Variants in CRACR2A observed in about 807,000 individuals in gnomAD.
CRACR2A encodes calcium release activated channel regulator 2A.
CRACR2A carries 79 observed loss-of-function variants against 90.5 expected under a neutral mutation model. The ratio of observed to expected loss-of-function variants is 0.87; its 90% confidence interval spans 0.73 to 1.05. The LOEUF (loss-of-function observed/expected upper bound fraction) is 1.05. Ranked by LOEUF, CRACR2A falls within the 50% of genes least tolerant of loss-of-function variation. CRACR2A has a pLI of 0.00. For missense variants in CRACR2A, 823 were observed against 897.2 expected (o/e 0.92, Z 1.06); for synonymous variants, 338 against 356.7 (o/e 0.95, Z 0.59).
At chr12:3,623,628 A>C (rs978403068) in intron 17 of CRACR2A, among the ~76,000 whole-genome samples, 3 of 152,176 alleles carry the variant, frequency 2.0e-5, no homozygotes, top group African/African-American at 7.2e-5. Context: ...AATTCTACCC[A>C]ATTGAGATAA....
At chr12:3,745,825 TA>T (rs149739964) in intron 1 of CRACR2A, among the ~76,000 whole-genome samples, 3 of 100,486 alleles carry the variant, frequency 3.0e-5, no homozygotes, top group African/African-American at 4.0e-5. Flanking sequence ...TAAAATAAAA[TA>T]AAGAAAGAAA....
intron 1 of CRACR2A, among the ~76,000 whole-genome samples, chr12:3,740,612 G>A (rs761139590): frequency 4.6e-5 from 7 of 152,140 alleles, no homozygotes; most frequent in Non-Finnish European, 8.8e-5. Flanking sequence ...ATAATACTCA[G>A]TACTAATACC....
Position 3,636,670 on chromosome 12 carries a change from T to C in CRACR2A, c.1602+1454A>G, listed in dbSNP as rs116690983. On this transcript the variant is annotated intron_variant, in intron 14 of 19. Transcript: ENST00000440314. ...CATCTTGGAGTTATATAAGACCCTA[T>C]TTGTACCCACTGCCAGCAAGTGTAG... Among the ~76,000 whole-genome samples, 828 of 152,332 alleles carry C rather than the reference T, an allele frequency of 5.4e-3. 8 individuals are homozygous for C. Among genetic ancestry groups the C allele is most frequent in the African/African-American group, 0.019 (798 of 41,588 alleles).
intron 10 of CRACR2A, among the ~76,000 whole-genome samples, chr12:3,652,370 A>G (rs776994524): frequency 5.9e-5 from 9 of 152,238 alleles, no homozygotes; most frequent in Non-Finnish European, 1.2e-4. Context: ...CTTGTTCACA[A>G]TGAAATATGT....
intron 12 of CRACR2A, among the ~76,000 whole-genome samples, chr12:3,642,520 GA>G (rs1565470256): frequency 6.6e-6 from 1 of 151,864 alleles, no homozygotes; most frequent in Non-Finnish European, 1.5e-5. Flanking sequence ...TGGTCAGATA[GA>G]AAAAAGAAAA....
intron 10 of CRACR2A, among the ~76,000 whole-genome samples, chr12:3,649,627 A>G (rs2137433190): frequency 6.6e-6 from 1 of 152,316 alleles, no homozygotes; most frequent in East Asian, 1.9e-4. Context: ...AGGAAGAGAG[A>G]GGCAGGGAGG....
intron 17 of CRACR2A, among the ~76,000 whole-genome samples, chr12:3,625,063 T>C (rs1339183763): frequency 5.3e-5 from 8 of 152,106 alleles, no homozygotes; most frequent in African/African-American, 9.7e-5. Context: ...CAATTAGAGC[T>C]TAAATGTACC....
intron 17 of CRACR2A, among the ~76,000 whole-genome samples, chr12:3,625,913 G>T (rs1944248705): frequency 6.6e-6 from 1 of 151,846 alleles, no homozygotes; most frequent in African/African-American, 2.4e-5. Flanking sequence ...AACAACAAAA[G>T]TAAAAAAAAG....
intron 7 of CRACR2A, among the ~76,000 whole-genome samples, chr12:3,665,111 C>T (rs182818179): frequency 7.9e-5 from 12 of 152,216 alleles, no homozygotes; most frequent in East Asian, 3.9e-4. Flanking sequence ...AGTTATGTAA[C>T]GCAGAAGAGA....
intron 2 of CRACR2A, among the ~76,000 whole-genome samples, chr12:3,722,191 T>C (rs1218111305): frequency 6.6e-6 from 1 of 152,188 alleles, no homozygotes; most frequent in African/African-American, 2.4e-5. Context: ...CAAAATCTTC[T>C]TGGATGTGTT....
In CRACR2A at chr12:3,692,644, C is replaced by T. The variant is rs116937069; in HGVS notation, c.228+4128G>A. 8.5e-5 allele frequency among the ~76,000 whole-genome samples: 13 copies of T among 152,290 alleles called. No homozygotes were observed. The East Asian group carries it at 2.3e-3, about 27-fold the overall frequency. ...TGTCCTTCTTTGTACGTGCCAACAG[C>T]AGCAGTGGCAGCAGCATGGTGGGGT... On this transcript the variant is annotated intron_variant, in intron 4 of 19. Transcript: ENST00000440314.
At chr12:3,730,538 C>G (rs1293298725) in intron 2 of CRACR2A, 1 of 152,090 alleles carries the variant, frequency 6.6e-6, no homozygotes, top group Admixed American at 6.5e-5. Context: ...ATATTAACAG[C>G]AAATGACTAA....
At chr12:3,706,806 G>A (rs943664648) in intron 3 of CRACR2A, among the ~76,000 whole-genome samples, 1 of 151,968 alleles carries the variant, frequency 6.6e-6, no homozygotes, top group African/African-American at 2.4e-5. Context: ...GTTTCACCAC[G>A]TTGGCCAGGC....
At chr12:3,681,857 C>T (rs1367337902) in intron 4 of CRACR2A, among the ~76,000 whole-genome samples, 1 of 152,104 alleles carries the variant, frequency 6.6e-6, no homozygotes, top group Middle Eastern at 3.2e-3. Flanking sequence ...GACTATGATG[C>T]ATTATAAAGT....
rs770534591 is a variant in CRACR2A at position 3,648,578 on chromosome 12, T to C, written c.1082A>G (p.Glu361Gly). The change falls in exon 11 of 20, where the codon GAG becomes GGG. Residue 361 changes from glutamate to glycine, a missense_variant. By Grantham distance (98) the Glu-to-Gly change is moderately conservative. Coordinates refer to ENST00000440314, the MANE Select transcript of CRACR2A (RefSeq NM_001144958.2). Reference sequence around the variant, plus strand: ...CAGCTGCTTGAGGAGCCCGGCCTTCTCACGCTGTAGACTCTCCGTCACACG... The same window carrying C: ...CAGCTGCTTGAGGAGCCCGGCCTTCCCACGCTGTAGACTCTCCGTCACACG... ...VYRVTESLQREKAGLLKQLDF... is the reference protein window; with the variant it reads ...VYRVTESLQRGKAGLLKQLDF... 10 of 1,614,106 alleles carry C rather than the reference T, an allele frequency of 6.2e-6. No homozygotes were observed. Among genetic ancestry groups the C allele is most frequent in the Non-Finnish European group, 7.6e-6 (9 of 1,180,008 alleles).
intron 17 of CRACR2A, among the ~76,000 whole-genome samples, chr12:3,625,791 C>T (rs1176439251): frequency 6.6e-6 from 1 of 151,744 alleles, no homozygotes; most frequent in Non-Finnish European, 1.5e-5. Context: ...CAGTCTGATT[C>T]CAGGGCTCCA....
intron 4 of CRACR2A, among the ~76,000 whole-genome samples, chr12:3,683,679 T>G (rs188802794): frequency 1.6e-4 from 24 of 152,344 alleles, no homozygotes; most frequent in African/African-American, 5.5e-4. Context: ...TGTGACTCAT[T>G]GATGAACGTC....
At chr12:3,615,797 G>T (rs1867668282) in intron 19 of CRACR2A, among the ~76,000 whole-genome samples, 1 of 152,192 alleles carries the variant, frequency 6.6e-6, no homozygotes, top group Admixed American at 6.5e-5. Context: ...TCCCTCGGCA[G>T]AAAATGAGTT....
At chr12:3,720,628 G>A (rs757486272) in intron 2 of CRACR2A, among the ~76,000 whole-genome samples, 10 of 152,170 alleles carry the variant, frequency 6.6e-5, no homozygotes, top group East Asian at 1.9e-4. Context: ...GCATTGACCT[G>A]TGGCGTGCTG....
Sources: allele counts gnomAD v4.1 joint callset (sites outside exome capture counted in the v4.1 genomes callset), GRCh38; gene constraint gnomAD v4.1.1; transcripts MANE v1.5; gene names NCBI Gene and HGNC (gene_info 2026-07-23, HGNC 2026-07-21).